The following CEP128 variants were observed in gnomAD, a reference collection of about 807,000 sequenced individuals.
CEP128 encodes the protein centrosomal protein 128, also known as centrosomal protein 128kDa.
In CEP128, 132 loss-of-function variants were observed where a neutral mutation model predicts 156.7. The observed-to-expected ratio is 0.84, with a 90% CI of 0.73 to 0.97. The LOEUF (loss-of-function observed/expected upper bound fraction) is 0.97, where lower values mean the gene tolerates loss of function less well. Ranked by LOEUF, CEP128 falls within the 50% of genes least tolerant of loss-of-function variation. The pLI, the probability that CEP128 is intolerant of heterozygous loss-of-function variation, is 0.00. For missense variants in CEP128, 1,252 were observed against 1,281.9 expected (o/e 0.98, Z 0.36); for synonymous variants, 469 against 448.9 (o/e 1.04, Z -0.57).
chr14:80,712,805 T>A (rs1897461567), intron 19 of CEP128, among the ~76,000 whole-genome samples: 1 of 152,156 alleles, frequency 6.6e-6, no homozygotes, highest in African/African-American at 2.4e-5. Flanking sequence ...ACTGTTAATA[T>A]GGTGAAACGA....
intron 6 of CEP128, among the ~76,000 whole-genome samples, chr14:80,901,198 T>A (rs1484911374): frequency 6.6e-6 from 1 of 151,004 alleles, no homozygotes; most frequent in Non-Finnish European, 1.5e-5. Context: ...AGAGCGAGAC[T>A]CCGTCTCAAA....
chr14:80,716,280 A>G (rs1341734398), intron 19 of CEP128, among the ~76,000 whole-genome samples: 1 of 152,234 alleles, frequency 6.6e-6, no homozygotes. Flanking sequence ...CTTTTGGTAT[A>G]TTCACAGAGG....
rs2234919 is a variant in CEP128 at position 80,955,834 on chromosome 14, C to A, written c.-172+2344G>T. The A allele has an allele frequency of 0.063, 100,934 of 1,614,144 alleles. 4,507 individuals carry two copies. The highest frequency in any genetic ancestry group is 0.2 in the South Asian group (18,098 of 91,080). ...TATTCAACGCATCCCCAGCTTACCG[C>A]CCAGTACGCAGACTCTGTGAGTACC... On this transcript the variant is annotated intron_variant, in intron 2 of 7. Coordinates refer to the CEP128 transcript ENST00000555529.
chr14:80,699,416 T>C (rs1896995854), intron 19 of CEP128, among the ~76,000 whole-genome samples: 1 of 152,236 alleles, frequency 6.6e-6, no homozygotes, highest in Admixed American at 6.5e-5. Context: ...TTAATGTCCT[T>C]ACTTTAAACC....
intron 8 of CEP128, among the ~76,000 whole-genome samples, chr14:80,880,779 C>T (rs373554475): frequency 2.7e-5 from 4 of 149,676 alleles, no homozygotes; most frequent in African/African-American, 4.9e-5. Context: ...AGGAGAATGG[C>T]GTGAATCTCG....
At chr14:80,953,319 T>C (rs1886506890) in intron 2 of CEP128, among the ~76,000 whole-genome samples, 1 of 152,124 alleles carries the variant, frequency 6.6e-6, no homozygotes, top group African/African-American at 2.4e-5. Context: ...GGCACGGTGG[T>C]GCATGCCTGT....
intron 9 of CEP128, among the ~76,000 whole-genome samples, chr14:80,848,089 G>C (rs184381238): frequency 6.6e-6 from 1 of 152,168 alleles, no homozygotes; most frequent in Non-Finnish European, 1.5e-5. Flanking sequence ...TGCTCAAGGG[G>C]ACAGATGGTT....
At chr14:80,908,061 AC>A (rs1169868661) in intron 4 of CEP128, among the ~76,000 whole-genome samples, 2 of 152,062 alleles carry the variant, frequency 1.3e-5, no homozygotes, top group Middle Eastern at 3.2e-3. Flanking sequence ...ATTTCTTACT[AC>A]TGCTTCTTTT....
At chr14:80,568,710 G>A (rs539703833) in intron 20 of CEP128, among the ~76,000 whole-genome samples, 21 of 152,114 alleles carry the variant, frequency 1.4e-4, no homozygotes, top group Non-Finnish European at 2.6e-4. Context: ...ACACGCGCAG[G>A]TAAGAAGGGA....
chr14:80,888,968 C>T (rs952808381), intron 8 of CEP128, among the ~76,000 whole-genome samples: 5 of 152,184 alleles, frequency 3.3e-5, no homozygotes, highest in African/African-American at 1.2e-4. Context: ...AAATCACAAG[C>T]ATTCCTATAC....
intron 21 of CEP128, among the ~76,000 whole-genome samples, chr14:80,536,922 T>C (rs1035091320): frequency 7.8e-6 from 1 of 128,958 alleles, no homozygotes; most frequent in African/African-American, 3.1e-5. Context: ...AGAGGGTACA[T>C]AAGGCTTGTT....
chr14:80,640,827 C>T (rs1894374844), intron 19 of CEP128, among the ~76,000 whole-genome samples: 1 of 152,196 alleles, frequency 6.6e-6, no homozygotes, highest in Admixed American at 6.5e-5. Flanking sequence ...ACTTGGCCCA[C>T]ATATCTTAAG....
chr14:80,645,335 C>G (rs553648560), intron 19 of CEP128, among the ~76,000 whole-genome samples: 1 of 151,996 alleles, frequency 6.6e-6, no homozygotes, highest in South Asian at 2.1e-4. Flanking sequence ...GGTATTATAC[C>G]TGGTGTAGAA....
At chr14:80,772,801 G>A (rs183282229) in intron 16 of CEP128, among the ~76,000 whole-genome samples, 99 of 152,300 alleles carry the variant, frequency 6.5e-4, no homozygotes, top group South Asian at 2.5e-3. Flanking sequence ...ATCCTGCAAG[G>A]GGGGTCAGGG....
intron 19 of CEP128, among the ~76,000 whole-genome samples, chr14:80,670,021 G>A (rs10140445): frequency 2.0e-5 from 3 of 152,070 alleles, no homozygotes; most frequent in African/African-American, 4.8e-5. Context: ...AAAAGCAGGA[G>A]CAAGAGAGAG....
At chr14:80,538,259 G>A (rs1337810705) in intron 21 of CEP128, among the ~76,000 whole-genome samples, 1 of 152,018 alleles carries the variant, frequency 6.6e-6, no homozygotes, top group African/African-American at 2.4e-5. Flanking sequence ...CTAGTCAACA[G>A]AGCACAAAGC....
intron 19 of CEP128, among the ~76,000 whole-genome samples, chr14:80,672,748 G>A (rs1895894762): frequency 6.6e-6 from 1 of 152,086 alleles, no homozygotes; most frequent in Non-Finnish European, 1.5e-5. Flanking sequence ...AGAACAGCCT[G>A]TGCTTTCTAA....
chr14:80,873,354 T>C (rs772259792), intron 8 of CEP128, among the ~76,000 whole-genome samples: 42 of 152,222 alleles, frequency 2.8e-4, no homozygotes, highest in Non-Finnish European at 4.0e-4. Flanking sequence ...GGCTACATTT[T>C]AAATACAAAG....
chr14:80,874,003 G>C (rs1888155161), intron 8 of CEP128, among the ~76,000 whole-genome samples: 2 of 152,076 alleles, frequency 1.3e-5, no homozygotes, highest in Admixed American at 1.3e-4. Context: ...GGAACTGTAA[G>C]TCCATTAAAC....
Sources: allele counts gnomAD v4.1 joint callset (sites outside exome capture counted in the v4.1 genomes callset), GRCh38; gene constraint gnomAD v4.1.1; transcripts MANE v1.5; gene names NCBI Gene and HGNC (gene_info 2026-07-23, HGNC 2026-07-21).